MTMR14: variants seen among roughly 807,000 people sequenced by gnomAD.
MTMR14 encodes myotubularin related protein 14, also known as phosphatidylinositol-3,5-bisphosphate 3-phosphatase MTMR14.
A neutral mutation model predicts 86.3 loss-of-function variants in MTMR14; 48 were observed. The ratio of observed to expected loss-of-function variants is 0.56; its 90% CI spans 0.44 to 0.71. The LOEUF (loss-of-function observed/expected upper bound fraction) is 0.71, where lower values mean the gene tolerates loss of function less well. Among genes scored for constraint, MTMR14 ranks in the 30% least tolerant of loss-of-function variants. The probability of loss-of-function intolerance (pLI) is 0.00; values close to 1 mark genes in which losing one functional copy is unlikely to be tolerated. For synonymous variants in MTMR14, 366 were observed against 326.1 expected (o/e 1.12, Z -1.32); for missense variants, 780 against 834.6 (o/e 0.93, Z 0.81).
intron 13 of MTMR14, 135 bp from the exon 14 acceptor site, chr3:9,687,686 A>G: frequency 2.7e-6 from 2 of 734,774 alleles, no homozygotes; most frequent in East Asian, 2.7e-5. Context: ...CCATTTATGG[A>G]CCAGAACACC....
intron 1 of MTMR14, chr3:9,650,460 C>T (rs1285997551): frequency 4.5e-6 from 2 of 444,076 alleles, no homozygotes; most frequent in African/African-American, 4.0e-5. Context: ...GCAGCTTTAG[C>T]ACCAAGTTTT....
intron 13 of MTMR14, 56 bp from the exon 14 acceptor site, chr3:9,687,765 G>A: frequency 6.7e-7 from 1 of 1,483,976 alleles, no homozygotes; most frequent in Non-Finnish European, 9.2e-7. Context: ...GCCCTCCCCT[G>A]GGAGTTCTGC....
In MTMR14 at chr3:9,687,865, G is replaced by T; in HGVS notation, c.1209G>T (p.Glu403Asp). The change falls in exon 14 of 19, where the codon GAG becomes GAT. Residue 403 changes from glutamate to aspartate, a missense_variant. Physicochemically the swap from Glu to Asp is conservative, Grantham distance 45. Coordinates refer to ENST00000296003, the MANE Select transcript of MTMR14 (RefSeq NM_001077525.3). The stretch of plus-strand genomic sequence containing the variant: ...ATTTTTTGAAGCATATTACCTCCGA[G>T]GAGTTCTCTGCTCTGAAGACCCAGA... Reference protein sequence around the residue: ...CFNFLKHITSEEFSALKTQRR... With the variant: ...CFNFLKHITSDEFSALKTQRR... 6.3e-7 allele frequency: 1 copy of T among 1,589,120 alleles called. No individual in the cohort carries two copies.
At position 9,677,929 on chromosome 3, in the gene MTMR14, C is replaced by T. The variant is rs2075635460; in HGVS notation, c.823-55C>T. 6.4e-7 allele frequency: 1 copy of T among 1,556,608 alleles called. No homozygotes were observed. Among genetic ancestry groups the T allele is most frequent in the South Asian group, 1.1e-5 (1 of 88,148 alleles). On this transcript the variant is annotated intron_variant, in intron 8 of 18. Transcript: ENST00000296003. This position sits in a 1 kb window ranked among gnomAD's most constrained non-coding sequence, Gnocchi z 4.2. ...CTCAGGACTGCAAGCTTCCCCATCA[C>T]CTAAGCCTCCTCTGGTGGCCAACCC...
rs2075644322 is a variant in MTMR14, at chr3:9,678,129, C to A, written c.897+71C>A. 4 of 1,489,376 alleles carry A rather than the reference C, an allele frequency of 2.7e-6. No individual in the cohort carries two copies. The Admixed American group carries it at 6.9e-5, about 26-fold the overall frequency. 92.3% of individuals were successfully genotyped at this position (1,489,376 alleles called of 1,614,324 possible). ...GACCAAGGAGACTCTTGATGCCTGC[C>A]CCACAAGGCCCTCGTGTGTTTGCCT... On this transcript the variant is annotated intron_variant, in intron 9 of 18. Coordinates refer to ENST00000296003, the MANE Select transcript of MTMR14 (RefSeq NM_001077525.3).
intron 3 of MTMR14, among the ~76,000 whole-genome samples, chr3:9,666,817 C>T (rs906187590): frequency 2.0e-5 from 3 of 152,150 alleles, no homozygotes; most frequent in Admixed American, 1.3e-4. Context: ...AAATGGAGAG[C>T]ATTCAGGGTA....
chr3:9,676,810 C>T (rs1040097287), intron 7 of MTMR14, among the ~76,000 whole-genome samples: 31 of 152,118 alleles, frequency 2.0e-4, no homozygotes, highest in African/African-American at 6.8e-4. Context: ...TCTTGAGCAC[C>T]GGGTTTTAGG....
Position 9,692,592 on chromosome 3 carries a change from G to C in MTMR14, c.1613+2449G>C, listed in dbSNP as rs59563323. ...TCCACCTTGCATGGCCTCGGCCTCGGCCTCTGCTCTGGAGTCATGCATCCT... is the reference window on the plus strand; with the variant it reads ...TCCACCTTGCATGGCCTCGGCCTCGCCCTCTGCTCTGGAGTCATGCATCCT... On this transcript the variant is annotated intron_variant, in intron 17 of 18. Transcript: ENST00000296003. Among the ~76,000 whole-genome samples the C allele has an allele frequency of 2.5e-3, 383 of 152,354 alleles. 1 individual carries two copies. Among genetic ancestry groups the C allele is most frequent in the African/African-American group, 8.7e-3 (363 of 41,580 alleles).
intron 2 of MTMR14, among the ~76,000 whole-genome samples, chr3:9,657,516 A>G (rs929554765): frequency 2.6e-5 from 4 of 151,388 alleles, no homozygotes; most frequent in African/African-American, 9.7e-5. Context: ...AAGCCCTACA[A>G]CTATTCAGTG....
intron 3 of MTMR14, among the ~76,000 whole-genome samples, chr3:9,662,935 T>G (rs1010882409): frequency 4.6e-5 from 7 of 152,212 alleles, no homozygotes; most frequent in Admixed American, 3.3e-4. Flanking sequence ...TCTTTTGGTG[T>G]ACGGGATGTG....
intron 9 of MTMR14, among the ~76,000 whole-genome samples, chr3:9,680,656 T>G (rs139111571): frequency 6.6e-6 from 1 of 152,102 alleles, no homozygotes; most frequent in Non-Finnish European, 1.5e-5. Flanking sequence ...CCATCGTGGC[T>G]AACACAGTGA....
chr3:9,686,821 A>G (rs1293596756), intron 13 of MTMR14, among the ~76,000 whole-genome samples: 1 of 152,210 alleles, frequency 6.6e-6, no homozygotes, highest in Non-Finnish European at 1.5e-5. Context: ...TTTGGGAATC[A>G]CCACAGAAAT....
chr3:9,671,220 T>G lies in MTMR14; in HGVS notation c.677+50T>G. 4 of 1,613,272 alleles carry G rather than the reference T, an allele frequency of 2.5e-6. No homozygotes were observed. The South Asian group carries it at 3.3e-5, about 13-fold the overall frequency. ...ATGAGCAGAGGCAGTGTGTACAGAT[T>G]TGCAGGGCTGGCGTTAGTATGTAGC... On this transcript the variant is annotated intron_variant, in intron 6 of 18. Transcript: ENST00000296003.
In MTMR14 at chr3:9,688,967, ACCAGCCTTGGCAG is replaced by A; in HGVS notation, c.1320_1332del (p.Ser441ThrfsTer115). 1 of 1,613,854 alleles carries A rather than the reference ACCAGCCTTGGCAG, an allele frequency of 6.2e-7. No individual in the cohort carries two copies. The highest frequency in any genetic ancestry group is 1.1e-5 in the South Asian group (1 of 91,086). On this transcript the variant is annotated frameshift_variant, in exon 16 of 19. Coordinates refer to ENST00000296003, the MANE Select transcript of MTMR14 (RefSeq NM_001077525.3). LOFTEE classifies it high-confidence loss of function. The stretch of plus-strand genomic sequence containing the variant: ...AGGACGAAAGGACCGTGGCAGCACC[ACCAGCCTTGGCAG>A]CGACTTCTCCCTGGTCATGGAGAGT...
chr3:9,680,501 A>G (rs2075725651), intron 9 of MTMR14, among the ~76,000 whole-genome samples: 1 of 152,194 alleles, frequency 6.6e-6, no homozygotes, highest in Non-Finnish European at 1.5e-5. Flanking sequence ...TACATGGCCT[A>G]CCCAGCTCCA....
rs1407576130 is a variant in MTMR14 at position 9,683,201 on chromosome 3, A to T, written c.921A>T (p.Thr307=). The change falls in exon 10 of 19, where the codon ACA becomes ACT. Residue 307 remains threonine (T), a synonymous_variant. Transcript: ENST00000296003. ...AGTGTTGGGATCTGGTGCAACAAAC[A>T]CAAAACTACCTGAAGCTGCTGCTTT... ...QYQCWDLVQQ[T]QNYLKLLLSL... 3 of 1,614,232 alleles carry T rather than the reference A, an allele frequency of 1.9e-6. No homozygotes were observed. The highest frequency in any genetic ancestry group is 2.5e-6 in the Non-Finnish European group (3 of 1,180,028).
chr3:9,670,915 C>G, intron 5 of MTMR14, 133 bp from the exon 6 acceptor site: 6 of 1,121,188 alleles, frequency 5.4e-6, no homozygotes, highest in South Asian at 1.2e-5. Context: ...TGTTTGGCAC[C>G]CATGCGTCCA....
intron 9 of MTMR14, among the ~76,000 whole-genome samples, chr3:9,679,902 T>G (rs1224575677): frequency 6.6e-6 from 1 of 152,212 alleles, no homozygotes; most frequent in Non-Finnish European, 1.5e-5. Flanking sequence ...GGCCACCTCT[T>G]CAGTGTTGCT....
Position 9,684,918 on chromosome 3 carries a change from A to C in MTMR14, c.1081A>C (p.Thr361Pro). ...GCTCATCCACACGTCCCTGAAGCCC[A>C]CTGAGATCCTCTACCTCACTGTGGC... ...DGLIHTSLKPTEILYLTVAYD... is the reference protein window; with the variant it reads ...DGLIHTSLKPPEILYLTVAYD... Residue 361 changes from threonine to proline, a missense_variant, in exon 12 of 19, where the codon ACT (threonine) becomes CCT (proline). Coordinates refer to ENST00000296003, the MANE Select transcript of MTMR14 (RefSeq NM_001077525.3). 1.2e-6 allele frequency: 2 copies of C among 1,614,154 alleles called. No individual in the cohort carries two copies. The highest frequency in any genetic ancestry group is 1.7e-6 in the Non-Finnish European group (2 of 1,180,028).
Sources: allele counts gnomAD v4.1 joint callset (sites outside exome capture counted in the v4.1 genomes callset), GRCh38; gene constraint gnomAD v4.1.1; non-coding constraint Gnocchi (gnomAD v3.1); transcripts MANE v1.5; gene names NCBI Gene and HGNC (gene_info 2026-07-23, HGNC 2026-07-21).